SPON2: variants seen among roughly 807,000 people sequenced by gnomAD.
The protein encoded by SPON2 is spondin 2.
Under a neutral mutation model 29.9 loss-of-function variants are expected in SPON2, and 32 were observed. The observed-to-expected ratio is 1.07, with a 90% confidence interval of 0.81 to 1.44. The LOEUF (loss-of-function observed/expected upper bound fraction) is 1.44. Among genes scored for constraint, SPON2 ranks in the 40% most tolerant of loss-of-function variants. The probability of loss-of-function intolerance (pLI) is 0.00; values close to 1 mark genes in which losing one functional copy is unlikely to be tolerated. For synonymous variants in SPON2, 248 were observed against 209.1 expected (o/e 1.19, Z -1.61); for missense variants, 541 against 455.5 (o/e 1.19, Z -1.71).
chr4:1,201,000 G>C (rs570101678), intron 1 of SPON2: 3 of 456,574 alleles, frequency 6.6e-6, no homozygotes, highest in African/African-American at 4.0e-5. Flanking sequence ...GGCCCCTCCC[G>C]TGTGGACTGT....
intron 5 of SPON2, among the ~76,000 whole-genome samples, chr4:1,168,890 A>G (rs1727330939): frequency 6.6e-6 from 1 of 152,186 alleles, no homozygotes; most frequent in Non-Finnish European, 1.5e-5. Flanking sequence ...CCTGGGTGCC[A>G]GCCGCCACAT....
chr4:1,201,591 T>G (rs1419109221), intron 1 of SPON2: 2 of 158,490 alleles, frequency 1.3e-5, no homozygotes, highest in Non-Finnish European at 2.8e-5. Flanking sequence ...CTGACTTTTT[T>G]TTTTTTTTGG....
chr4:1,195,007 C>CTCA (rs1449102194), exon 1 of SPON2: 1 of 95,422 alleles, frequency 1.0e-5, no homozygotes, highest in African/African-American at 3.7e-5. Flanking sequence ...CCGGCGGTTC[C>CTCA]AACCCCGCAG....
intron 1 of SPON2, among the ~76,000 whole-genome samples, chr4:1,182,617 A>C (rs1280567469): frequency 6.6e-6 from 1 of 152,234 alleles, no homozygotes; most frequent in East Asian, 1.9e-4. Flanking sequence ...AAAACAGGGC[A>C]ACATATGCAT....
upstream of SPON2, among the ~76,000 whole-genome samples, chr4:1,176,894 A>C (rs865850412): frequency 3.1e-4 from 34 of 110,850 alleles, no homozygotes; most frequent in South Asian, 7.5e-4. Context: ...CATTCACACC[A>C]TTCATTCATT....
In SPON2 at chr4:1,167,513, G is replaced by A. The variant is rs1161324834; in HGVS notation, c.955C>T (p.Leu319Phe). The A allele has an allele frequency of 6.2e-7, 1 of 1,613,730 alleles. No individual in the cohort carries two copies. Among genetic ancestry groups the A allele is most frequent in the Non-Finnish European group, 8.5e-7 (1 of 1,180,008 alleles). ...PANNGSPCPE[L>F]EEEAECVPDN... The stretch of plus-strand genomic sequence containing the variant: ...GGGACGCACTCAGCCTCTTCTTCGA[G>A]CTCGGGGCAGGGGCTCCCGTTGTTG... Residue 319 changes from leucine (L) to phenylalanine (F), a missense_variant, in exon 6 of 6, where the codon CTC becomes TTC. Transcript: ENST00000290902.
chr4:1,170,305 C>A, intron 5 of SPON2, 97 bp downstream of exon 5: 2 of 1,236,984 alleles, frequency 1.6e-6, no homozygotes, highest in Non-Finnish European at 2.3e-6. Flanking sequence ...CGAATCCCTA[C>A]TTGGAATTTC....
chr4:1,174,502 ACAAAAAAAC>A (rs1727552047), upstream of SPON2, among the ~76,000 whole-genome samples: 1 of 138,582 alleles, frequency 7.2e-6, no homozygotes, highest in African/African-American at 2.8e-5. Context: ...AAAAAAAAAA[ACAAAAAAAC>A]AAAAAACAAA....
At chr4:1,182,544 G>A (rs1050356808) in intron 1 of SPON2, among the ~76,000 whole-genome samples, 4 of 152,214 alleles carry the variant, frequency 2.6e-5, no homozygotes, top group African/African-American at 9.6e-5. Context: ...TATTGTCTGA[G>A]GAACACAAAG....
chr4:1,199,527 A>T (rs1728145235), upstream of SPON2: 1 of 152,250 alleles, frequency 6.6e-6, no homozygotes, highest in South Asian at 2.1e-4. The surrounding 1 kb of genome is among the most constrained non-coding windows in gnomAD (Gnocchi z 4.5). Context: ...GAGTCAAAAT[A>T]TTCCCTTTGC....
intron 5 of SPON2, among the ~76,000 whole-genome samples, chr4:1,168,376 C>T (rs1184076438): frequency 6.6e-6 from 1 of 152,232 alleles, no homozygotes; most frequent in Non-Finnish European, 1.5e-5. Flanking sequence ...AAGGGCTCGG[C>T]TCTCCTCACA....
upstream of SPON2, among the ~76,000 whole-genome samples, chr4:1,197,602 GAAC>G (rs1728097378): frequency 6.8e-6 from 1 of 147,802 alleles, no homozygotes; most frequent in Admixed American, 6.8e-5. Context: ...ACTAGAATGA[GAAC>G]AATAAAGTGC....
At chr4:1,176,502 C>T (rs1727598147), upstream of SPON2, among the ~76,000 whole-genome samples, 1 of 152,180 alleles carries the variant, frequency 6.6e-6, no homozygotes, top group Non-Finnish European at 1.5e-5. Context: ...TTCATGCAAT[C>T]ATCCACACAG....
rs895098014 is a variant in SPON2, at chr4:1,171,479, C to T, written c.228G>A (p.Ala76=). The change falls in exon 3 of 6, where the codon GCG becomes GCA. Residue 76 remains alanine (A), a synonymous_variant. Coordinates refer to ENST00000290902, the MANE Select transcript of SPON2 (RefSeq NM_012445.4). The part of the protein sequence containing the change: ...PAQWSSLLGA[A]HSSDYSMWRK... ...TCCACATGCTGTAGTCGGAGCTATG[C>T]GCGGCCCCTGCAGGACCACCCGGCC... is the stretch of plus-strand genomic sequence containing the variant. The T allele has an allele frequency of 6.2e-7, 1 of 1,611,344 alleles. No individual in the cohort carries two copies. The highest frequency in any genetic ancestry group is 8.5e-7 in the Non-Finnish European group (1 of 1,179,142).
In SPON2 at chr4:1,171,456, C is replaced by T. The variant is rs1365894168; in HGVS notation, c.251G>A (p.Trp84Ter). 1 of 1,612,002 alleles carries T rather than the reference C, an allele frequency of 6.2e-7. No homozygotes were observed. The highest frequency in any genetic ancestry group is 1.3e-5 in the African/African-American group (1 of 74,858). ...GAAHSSDYSM[W>*]RKNQYVSNGL... is the part of the protein sequence containing the mutation. ...GTTACTGACGTACTGGTTCTTCCTC[C>T]ACATGCTGTAGTCGGAGCTATGCGC... The change falls in exon 3 of 6, where the codon TGG becomes TAG. Residue 84 changes from tryptophan (W) to a stop codon, truncating the protein, a stop_gained. Transcript: ENST00000290902. LOFTEE classifies it high-confidence loss of function.
chr4:1,184,508 T>TAGCCAAA (rs1325912441), intron 1 of SPON2, among the ~76,000 whole-genome samples: 5 of 152,180 alleles, frequency 3.3e-5, no homozygotes, highest in African/African-American at 1.2e-4. Flanking sequence ...GGACCGCAAG[T>TAGCCAAA]AGCCAAAATA....
chr4:1,189,824 T>C (rs1031509248), intron 1 of SPON2, among the ~76,000 whole-genome samples: 1 of 150,498 alleles, frequency 6.6e-6, no homozygotes, highest in Non-Finnish European at 1.5e-5. Flanking sequence ...CCGTTTCTAC[T>C]AAAAAATACA....
chr4:1,171,637 T>C (rs532490726), intron 2 of SPON2, 151 bp from the exon 3 acceptor site: 2 of 892,852 alleles, frequency 2.2e-6, no homozygotes, highest in Admixed American at 5.3e-5. Context: ...TGGCTGCCCC[T>C]GCCGCGACCC....
At chr4:1,167,919 T>G (rs1048411870) in intron 5 of SPON2, 126 of 405,800 alleles carry the variant, frequency 3.1e-4, no homozygotes, top group Non-Finnish European at 4.6e-4. Flanking sequence ...GTGGTGGAAC[T>G]CCCACATCGT....
Sources: gnomAD v4.1 joint callset for allele counts (sites outside exome capture counted in the v4.1 genomes callset) on GRCh38, gnomAD v4.1.1 for gene constraint, Gnocchi (gnomAD v3.1) non-coding constraint, MANE v1.5 for transcripts, NCBI Gene and HGNC (gene_info 2026-07-23, HGNC 2026-07-21) for gene names.